The following SLC25A15 variants were observed in gnomAD, a reference collection of about 807,000 sequenced individuals.
SLC25A15 encodes the protein solute carrier family 25 member 15, also known as mitochondrial ornithine transporter 1.
In SLC25A15, 24 loss-of-function variants were observed where a neutral mutation model predicts 32.3. The observed-to-expected ratio is 0.74, with a 90% CI of 0.54 to 1.04. The LOEUF (loss-of-function observed/expected upper bound fraction) is 1.04, where lower values mean the gene tolerates loss of function less well. SLC25A15 is among the 50% of genes least tolerant of loss of function. The pLI is 0.00. For missense variants in SLC25A15, 317 were observed against 374.5 expected (o/e 0.85, Z 1.27); for synonymous variants, 132 against 142.1 (o/e 0.93, Z 0.51).
chr13:40,796,208 T>C (rs1881665948), intron 2 of SLC25A15, among the ~76,000 whole-genome samples: 1 of 152,196 alleles, frequency 6.6e-6, no homozygotes, highest in Non-Finnish European at 1.5e-5. Context: ...TGGTGTTGTG[T>C]GTGTCTCTTC....
At chr13:40,791,941 T>C (rs78498267) in intron 1 of SLC25A15, among the ~76,000 whole-genome samples, 5,595 of 152,238 alleles carry the variant, frequency 0.037, 257 homozygotes, top group East Asian at 0.17. Flanking sequence ...ACATTGGTGT[T>C]AGGAGCGTGC....
chr13:40,791,068 G>T (rs1389838135), intron 1 of SLC25A15, among the ~76,000 whole-genome samples: 1 of 152,040 alleles, frequency 6.6e-6, no homozygotes, highest in East Asian at 1.9e-4. Flanking sequence ...CTGTCTGTCT[G>T]CTCAGTTGCC....
intron 2 of SLC25A15, among the ~76,000 whole-genome samples, chr13:40,794,736 T>C (rs1881616717): frequency 6.6e-6 from 1 of 152,152 alleles, no homozygotes; most frequent in African/African-American, 2.4e-5. Context: ...TGCAGCTCCC[T>C]GGAGTGGGGA....
At chr13:40,795,940 C>T (rs1192211249) in intron 2 of SLC25A15, among the ~76,000 whole-genome samples, 1 of 152,120 alleles carries the variant, frequency 6.6e-6, no homozygotes, top group Non-Finnish European at 1.5e-5. Context: ...TCCCTGGGTC[C>T]CTTGTCTGGT....
chr13:40,811,085 T>C lies in SLC25A15; in HGVS notation c.*1418T>C, dbSNP rs1395830487. On this transcript the variant is annotated 3_prime_UTR_variant, in exon 7 of 7. Coordinates refer to ENST00000338625, the MANE Select transcript of SLC25A15 (RefSeq NM_014252.4). ...CAGGTCTGACCCATCCTGAAGCCTG[T>C]CTTGCCATGCTTTTACAGTGTTGGA... is the stretch of plus-strand genomic sequence containing the variant. Among the ~76,000 whole-genome samples, 1 of 152,270 alleles carries C rather than the reference T, an allele frequency of 6.6e-6. No homozygotes were observed. The highest frequency in any genetic ancestry group is 1.5e-5 in the Non-Finnish European group (1 of 68,052).
At chr13:40,806,735 C>T (rs1338094331) in intron 4 of SLC25A15, among the ~76,000 whole-genome samples, 1 of 152,188 alleles carries the variant, frequency 6.6e-6, no homozygotes, top group Non-Finnish European at 1.5e-5. Context: ...ATTTCTTGGC[C>T]TGTTCTTAGC....
Position 40,809,620 on chromosome 13 carries a change from T to C in SLC25A15, c.859T>C (p.Tyr287His), listed in dbSNP as rs1188683818. Residue 287 changes from tyrosine to histidine, a missense_variant, in exon 7 of 7, where the codon TAC becomes CAC. Tyr to His is a moderately conservative substitution (Grantham distance 83). Transcript: ENST00000338625. Reference protein sequence around the residue: ...FPANGALFLAYEYSRKLMMNQ... With the variant: ...FPANGALFLAHEYSRKLMMNQ... Reference sequence around the variant, plus strand: ...TGCCAATGGAGCACTCTTTTTGGCCTACGAATATAGCAGGAAGTTGATGAT... The same window carrying C: ...TGCCAATGGAGCACTCTTTTTGGCCCACGAATATAGCAGGAAGTTGATGAT... 2.5e-6 allele frequency: 4 copies of C among 1,612,746 alleles called. No homozygotes were observed. Among genetic ancestry groups the C allele is most frequent in the Non-Finnish European group, 3.4e-6 (4 of 1,179,836 alleles).
intron 3 of SLC25A15, among the ~76,000 whole-genome samples, chr13:40,802,871 C>G (rs1379343617): frequency 1.3e-5 from 2 of 151,962 alleles, no homozygotes; most frequent in East Asian, 3.9e-4. Flanking sequence ...CGTGCCCTGC[C>G]CCATCTGTGC....
chr13:40,789,818 A>T (rs1881417724), intron 1 of SLC25A15, among the ~76,000 whole-genome samples, 155 bp downstream of exon 1: 2 of 151,106 alleles, frequency 1.3e-5, no homozygotes, highest in Admixed American at 1.3e-4. Context: ...GTGCCGCGGG[A>T]CTCGGAGAAT....
At chr13:40,795,800 G>C (rs990708257) in intron 2 of SLC25A15, among the ~76,000 whole-genome samples, 2 of 152,194 alleles carry the variant, frequency 1.3e-5, no homozygotes, top group Non-Finnish European at 2.9e-5. Context: ...TGGAGTGCTG[G>C]AGCTAGAGAG....
intron 3 of SLC25A15, among the ~76,000 whole-genome samples, chr13:40,804,627 T>C (rs1882075899): frequency 6.6e-6 from 1 of 151,434 alleles, no homozygotes; most frequent in Non-Finnish European, 1.5e-5. Flanking sequence ...CTGCAAGCTC[T>C]GCCTCCTGGG....
At chr13:40,797,239 T>C (rs997017201) in intron 2 of SLC25A15, among the ~76,000 whole-genome samples, 1 of 152,208 alleles carries the variant, frequency 6.6e-6, no homozygotes, top group African/African-American at 2.4e-5. Context: ...CTTCTCCCTG[T>C]TGGAAATGTA....
rs1448259297 is a variant in SLC25A15, at chr13:40,793,248, C to T, written c.22C>T (p.Gln8Ter). MKSNPAI[Q>*]AAIDLTAGAA... ...AAACATGAAATCCAATCCTGCTATC[C>T]AGGCTGCCATTGACCTCACAGCGGG... Residue 8 changes from glutamine to a stop codon, truncating the protein, a stop_gained, in exon 2 of 7, where the codon CAG becomes TAG. Transcript: ENST00000338625. LOFTEE classifies it high-confidence loss of function. 3 of 1,614,118 alleles carry T rather than the reference C, an allele frequency of 1.9e-6. No homozygotes were observed. The Admixed American group carries it at 5.0e-5, about 27-fold the overall frequency.
intron 6 of SLC25A15, 59 bp downstream of exon 6, chr13:40,808,655 C>T (rs984098472): frequency 1.6e-5 from 24 of 1,514,426 alleles, no homozygotes; most frequent in Middle Eastern, 1.9e-4. Flanking sequence ...AGATACGGGC[C>T]GGGCGTGGTG....
intron 1 of SLC25A15, 117 bp from the exon 2 acceptor site, chr13:40,793,041 A>G (rs1881564719): frequency 1.5e-6 from 1 of 666,552 alleles, no homozygotes; most frequent in African/African-American, 1.8e-5. Flanking sequence ...TTTCCTTTGG[A>G]ACAGTGTGGA....
At chr13:40,800,408 A>C (rs1881833550) in intron 3 of SLC25A15, among the ~76,000 whole-genome samples, 1 of 152,208 alleles carries the variant, frequency 6.6e-6, no homozygotes, top group South Asian at 2.1e-4. Flanking sequence ...GCAGGGCACA[A>C]ACCAGGAGAG....
intron 4 of SLC25A15, among the ~76,000 whole-genome samples, chr13:40,806,205 A>G (rs1882165983): frequency 6.6e-6 from 1 of 152,236 alleles, no homozygotes; most frequent in Admixed American, 6.5e-5. Flanking sequence ...TCATGAATGC[A>G]CATTGAAGTC....
chr13:40,791,637 G>A (rs1218359634), intron 1 of SLC25A15, among the ~76,000 whole-genome samples: 2 of 152,026 alleles, frequency 1.3e-5, no homozygotes, highest in African/African-American at 2.4e-5. Flanking sequence ...GATTACAGGC[G>A]TGAGCCACCG....
rs974435641 is a variant in SLC25A15, at chr13:40,800,745, A to G, written c.314+1430A>G. 2.0e-5 allele frequency among the ~76,000 whole-genome samples: 3 copies of G among 152,208 alleles called. No individual in the cohort carries two copies. In the South Asian group the frequency reaches 6.2e-4, roughly 32 times the overall value. ...TTAGCCTGTGAACAAAGTGAAGGAC[A>G]GGTAAGAGCATATTGCTTTTCTGCT... On this transcript the variant is annotated intron_variant, in intron 3 of 6. Transcript: ENST00000338625.
Sources: allele counts gnomAD v4.1 joint callset (sites outside exome capture counted in the v4.1 genomes callset), GRCh38; gene constraint gnomAD v4.1.1; transcripts MANE v1.5; gene names NCBI Gene and HGNC (gene_info 2026-07-23, HGNC 2026-07-21).